The following SMC5 variants were observed in gnomAD, a reference collection of about 807,000 sequenced individuals.
SMC5 encodes the protein structural maintenance of chromosomes protein 5.
In SMC5, 88 loss-of-function variants were observed where a neutral mutation model predicts 148.3. The ratio of observed to expected loss-of-function variants is 0.59; its 90% confidence interval spans 0.50 to 0.71. SMC5 has a LOEUF of 0.71. Among genes scored for constraint, SMC5 ranks in the 30% least tolerant of loss-of-function variants. The pLI, the probability that SMC5 is intolerant of heterozygous loss-of-function variation, is 0.00. For missense variants in SMC5, 1,142 were observed against 1,298.9 expected (o/e 0.88, Z 1.86); for synonymous variants, 421 against 432.8 (o/e 0.97, Z 0.34).
At chr9:70,310,682 T>C (rs756622044) in intron 11 of SMC5, among the ~76,000 whole-genome samples, 35 of 152,254 alleles carry the variant, frequency 2.3e-4, no homozygotes, top group Admixed American at 5.2e-4. Context: ...TCTCTAGTTA[T>C]GAAAGTCCTA....
rs1412450017 is a variant in SMC5, at chr9:70,344,046, A to G, written c.2398-98A>G. On this transcript the variant is annotated intron_variant, in intron 17 of 24. Coordinates refer to ENST00000361138, the MANE Select transcript of SMC5 (RefSeq NM_015110.4). ...TTTCAGATAATTTGATTATCATTAT[A>G]ATCAGAATTCAACAATATTTAATAT... 4.6e-6 allele frequency: 3 copies of G among 658,628 alleles called. No individual in the cohort carries two copies. In the African/African-American group the frequency reaches 5.7e-5, roughly 13 times the overall value. The allele number at this position is 658,628 out of a possible 1,614,324, so 40.8% of individuals were successfully genotyped here.
chr9:70,287,393 T>G (rs1328765022), intron 8 of SMC5, among the ~76,000 whole-genome samples: 2 of 152,144 alleles, frequency 1.3e-5, no homozygotes, highest in African/African-American at 4.8e-5. Context: ...GATTACAAAT[T>G]TTTCGTGCGT....
intron 3 of SMC5, among the ~76,000 whole-genome samples, chr9:70,268,462 C>CA (rs142412181): frequency 0.072 from 10,308 of 142,216 alleles, 550 homozygotes; most frequent in East Asian, 0.23. Flanking sequence ...CTGCCCCCCC[C>CA]AAAAAAAAAA....
intron 15 of SMC5, among the ~76,000 whole-genome samples, chr9:70,321,995 A>T (rs906490171): frequency 6.6e-6 from 1 of 152,240 alleles, no homozygotes; most frequent in Non-Finnish European, 1.5e-5. Flanking sequence ...CATTGTCTTG[A>T]ATAAGGTATG....
At position 70,281,016 on chromosome 9, in the gene SMC5, A is replaced by G. The variant is rs562475249; in HGVS notation, c.819+117A>G. 5.8e-5 allele frequency: 65 copies of G among 1,118,394 alleles called. 1 individual carries two copies. The South Asian group carries it at 7.3e-4, about 13-fold the overall frequency. 69.3% of individuals were successfully genotyped at this position (1,118,394 alleles called of 1,614,324 possible). On this transcript the variant is annotated intron_variant, in intron 6 of 24. Transcript: ENST00000361138. ...GTGCTTCTTTTTCATTTTTGGCTTT[A>G]TATGTTATACATAATAAAATTCATG...
intron 22 of SMC5, among the ~76,000 whole-genome samples, chr9:70,348,846 C>T (rs961533899): frequency 2.6e-5 from 4 of 151,518 alleles, no homozygotes; most frequent in African/African-American, 9.7e-5. Flanking sequence ...ATGCCTAATC[C>T]CACTTTGGGA....
At chr9:70,329,878 G>C (rs1371886328) in intron 17 of SMC5, among the ~76,000 whole-genome samples, 1 of 152,122 alleles carries the variant, frequency 6.6e-6, no homozygotes, top group African/African-American at 2.4e-5. Flanking sequence ...TGCATGGCTG[G>C]GAGGCCTCAG....
chr9:70,270,818 T>G (rs2034428367), intron 3 of SMC5, among the ~76,000 whole-genome samples: 1 of 151,894 alleles, frequency 6.6e-6, no homozygotes, highest in Admixed American at 6.6e-5. Context: ...GGCTAATTTT[T>G]GTATTTTTAG....
intron 17 of SMC5, among the ~76,000 whole-genome samples, chr9:70,336,648 T>G (rs566291348): frequency 1.3e-5 from 2 of 152,350 alleles, no homozygotes; most frequent in African/African-American, 4.8e-5. Context: ...CTGCTACTTT[T>G]TCATCTGTTC....
At chr9:70,292,115 A>T (rs1413377450) in intron 8 of SMC5, among the ~76,000 whole-genome samples, 1 of 152,120 alleles carries the variant, frequency 6.6e-6, no homozygotes, top group Non-Finnish European at 1.5e-5. Context: ...AAATTTTGAC[A>T]ATTTTTGTCA....
chr9:70,265,640 G>A (rs1233719297), intron 2 of SMC5, among the ~76,000 whole-genome samples: 2 of 152,004 alleles, frequency 1.3e-5, no homozygotes, highest in Non-Finnish European at 2.9e-5. Flanking sequence ...CTAAAATAAA[G>A]TGCTACAGAA....
chr9:70,350,704 T>C (rs10868808), intron 24 of SMC5, among the ~76,000 whole-genome samples: 32,861 of 152,088 alleles, frequency 0.22, 3,707 homozygotes, highest in South Asian at 0.28. Flanking sequence ...TTGTCTCATT[T>C]CTCTTCTAGA....
intron 10 of SMC5, among the ~76,000 whole-genome samples, chr9:70,301,416 A>C (rs1018151577): frequency 6.6e-6 from 1 of 152,124 alleles, no homozygotes; most frequent in African/African-American, 2.4e-5. Context: ...CCCTTTTCAG[A>C]CTAACCTTTC....
intron 3 of SMC5, among the ~76,000 whole-genome samples, chr9:70,272,017 T>C (rs1219031289): frequency 6.6e-6 from 1 of 152,218 alleles, no homozygotes; most frequent in African/African-American, 2.4e-5. Flanking sequence ...TTAACCAGAT[T>C]GGGTTGCTGT....
intron 17 of SMC5, among the ~76,000 whole-genome samples, chr9:70,329,621 G>A (rs564195339): frequency 1.8e-4 from 28 of 152,148 alleles, no homozygotes; most frequent in African/African-American, 3.4e-4. Context: ...AACAAGTCTC[G>A]AAGTTCCAAA....
chr9:70,308,250 C>G lies in SMC5; in HGVS notation c.1578+2890C>G, dbSNP rs73647460. The stretch of plus-strand genomic sequence containing the variant: ...TGTATTAGTGAAAAACATAGCTCCC[C>G]TTACCATCAGTATATTTAGTAATTT... On this transcript the variant is annotated intron_variant, in intron 11 of 24. Transcript: ENST00000361138. Among the ~76,000 whole-genome samples, 1,249 of 152,172 alleles carry G rather than the reference C, an allele frequency of 8.2e-3. 16 individuals are homozygous for G. Among genetic ancestry groups the G allele is most frequent in the African/African-American group, 0.029 (1,204 of 41,494 alleles).
At chr9:70,259,569 A>G (rs1334486658) in intron 1 of SMC5, among the ~76,000 whole-genome samples, 1 of 152,152 alleles carries the variant, frequency 6.6e-6, no homozygotes, top group African/African-American at 2.4e-5. Context: ...GGGAGTCGCG[A>G]TCCATAGCGG....
chr9:70,333,120 C>T (rs1269621745), intron 17 of SMC5, among the ~76,000 whole-genome samples: 1 of 151,738 alleles, frequency 6.6e-6, no homozygotes, highest in East Asian at 1.9e-4. Context: ...TAAAAAAAAA[C>T]CTCCAAACAC....
intron 21 of SMC5, 30 bp from the exon 22 acceptor site, chr9:70,347,889 A>G (rs751307586): frequency 3.9e-6 from 6 of 1,554,424 alleles, no homozygotes; most frequent in Non-Finnish European, 3.5e-6. Context: ...CTGCTTTTAA[A>G]TTGTGTTTTT....
Sources: gnomAD v4.1 joint callset for allele counts (sites outside exome capture counted in the v4.1 genomes callset) on GRCh38, gnomAD v4.1.1 for gene constraint, MANE v1.5 for transcripts, NCBI Gene and HGNC (gene_info 2026-07-23, HGNC 2026-07-21) for gene names.